The following CAPNS2 variants were observed in gnomAD, a reference collection of about 807,000 sequenced individuals.
CAPNS2 encodes calpain small subunit 2.
A neutral mutation model predicts 17.5 loss-of-function variants in CAPNS2; 13 were observed. The ratio of observed to expected loss-of-function variants is 0.74; its 90% CI spans 0.48 to 1.18. The LOEUF (loss-of-function observed/expected upper bound fraction) is 1.18, where lower values mean the gene tolerates loss of function less well. Ranked by LOEUF, CAPNS2 falls within the 50% of genes most tolerant of loss-of-function variation. The pLI, the probability that CAPNS2 is intolerant of heterozygous loss-of-function variation, is 0.00. For missense variants in CAPNS2, 279 were observed against 301.6 expected (o/e 0.93, Z 0.55); for synonymous variants, 101 against 108.2 (o/e 0.93, Z 0.41).
chr16:55,567,505 G>A lies in CAPNS2; in HGVS notation c.*2G>A. On this transcript the variant is annotated 3_prime_UTR_variant, in exon 1 of 1. Transcript: ENST00000457326. Reference sequence around the variant, plus strand: ...CTGCAGTTGACCATGTATTCCTGAAGTGGGAACTGAGAAGTCAAGATCCTC... The same window carrying A: ...CTGCAGTTGACCATGTATTCCTGAAATGGGAACTGAGAAGTCAAGATCCTC... The A allele has an allele frequency of 6.2e-7, 1 of 1,610,846 alleles. No homozygotes were observed. The highest frequency in any genetic ancestry group is 8.5e-7 in the Non-Finnish European group (1 of 1,178,032).
In CAPNS2 at chr16:55,566,879, T is replaced by TG. The variant is rs1483600898; in HGVS notation, c.125dup (p.Gly43ArgfsTer8). 6.2e-7 allele frequency: 1 copy of TG among 1,613,810 alleles called. No individual in the cohort carries two copies. Among genetic ancestry groups the TG allele is most frequent in the East Asian group, 2.2e-5 (1 of 44,856 alleles). Reference sequence around the variant, plus strand: ...GAGGAAGAAATATTGGAGGGATAGTTGGAGGAATTGTGAATTTTATCAGTG... The same window carrying TG: ...GAGGAAGAAATATTGGAGGGATAGTTGGGAGGAATTGTGAATTTTATCAGTG... On this transcript the variant is annotated frameshift_variant, in exon 1 of 1. Coordinates refer to ENST00000457326, the MANE Select transcript of CAPNS2 (RefSeq NM_032330.3). LOFTEE classifies it high-confidence loss of function.
rs1324657173 is a variant in CAPNS2, at chr16:55,567,468, A to G, written c.712A>G (p.Ile238Val). The G allele has an allele frequency of 4.3e-6, 7 of 1,613,734 alleles. 1 individual carries two copies. The East Asian group carries it at 6.7e-5, about 15-fold the overall frequency. ...RDRDGLIQVS[I>V]KEWLQLTMYS is the part of the protein sequence containing the mutation. ...TAGAGATGGCCTGATTCAAGTGTCT[A>G]TCAAAGAATGGCTGCAGTTGACCAT... The change falls in exon 1 of 1, where the codon ATC becomes GTC. Residue 238 changes from isoleucine (I) to valine (V), a missense_variant. Transcript: ENST00000457326.
rs779550180 is a variant in CAPNS2 at position 55,567,108 on chromosome 16, G to A, written c.352G>A (p.Gly118Ser). 5 of 1,613,794 alleles carry A rather than the reference G, an allele frequency of 3.1e-6. No individual in the cohort carries two copies. Among genetic ancestry groups the A allele is most frequent in the Non-Finnish European group, 4.2e-6 (5 of 1,179,858 alleles). The change falls in exon 1 of 1, where the codon GGT becomes AGT. Residue 118 changes from glycine to serine, a missense_variant. By Grantham distance (56) the Gly-to-Ser change is moderately conservative. Coordinates refer to ENST00000457326, the MANE Select transcript of CAPNS2 (RefSeq NM_032330.3). ...LSKHKDLKTD[G>S]FSLDTCRSIV... The stretch of plus-strand genomic sequence containing the variant: ...TAAGCACAAAGATCTTAAGACTGAC[G>A]GTTTTAGTCTTGACACCTGCCGGAG...
At position 55,567,060 on chromosome 16, in the gene CAPNS2, A is replaced by G; in HGVS notation, c.304A>G (p.Asn102Asp). The G allele has an allele frequency of 6.2e-7, 1 of 1,613,876 alleles. No individual in the cohort carries two copies. The highest frequency in any genetic ancestry group is 8.5e-7 in the Non-Finnish European group (1 of 1,179,880). Reference protein sequence around the residue: ...DMEVGATDLMNILNKVLSKHK... With the variant: ...DMEVGATDLMDILNKVLSKHK... The stretch of plus-strand genomic sequence containing the variant: ...GGAGGTGGGTGCCACTGATCTGATG[A>G]ATATTCTCAACAAAGTCCTTTCTAA... The change falls in exon 1 of 1, where the codon AAT becomes GAT. Residue 102 changes from asparagine (N) to aspartate (D), a missense_variant. Asn to Asp is a conservative substitution (Grantham distance 23). Transcript: ENST00000457326.
At position 55,567,396 on chromosome 16, in the gene CAPNS2, G is replaced by A. The variant is rs765130628; in HGVS notation, c.640G>A (p.Val214Ile). ...MDFNNFISCL[V>I]RLDAMFRAFK... ...TTTTAACAATTTCATCAGCTGCTTGGTCCGCCTGGATGCCATGTTTCGTGC... is the reference window on the plus strand; with the variant it reads ...TTTTAACAATTTCATCAGCTGCTTGATCCGCCTGGATGCCATGTTTCGTGC... Residue 214 changes from valine to isoleucine, a missense_variant, in exon 1 of 1, where the codon GTC becomes ATC. Physicochemically the swap from Val to Ile is conservative, Grantham distance 29. Transcript: ENST00000457326. The A allele has an allele frequency of 1.7e-5, 27 of 1,613,682 alleles. No individual in the cohort carries two copies. The South Asian group carries it at 2.9e-4, about 17-fold the overall frequency.
Position 55,566,934 on chromosome 16 carries a change from C to T in CAPNS2, c.178C>T (p.Pro60Ser), listed in dbSNP as rs563285482. ...TGCAGCAGCTCAGTATACTCCAGAACCGCCTCCCACTCAGCAGCATTTCAC... is the reference window on the plus strand; with the variant it reads ...TGCAGCAGCTCAGTATACTCCAGAATCGCCTCCCACTCAGCAGCATTTCAC... Reference protein sequence around the residue: ...EAAAAQYTPEPPPTQQHFTSV... With the variant: ...EAAAAQYTPESPPTQQHFTSV... Residue 60 changes from proline to serine, a missense_variant, in exon 1 of 1, where the codon CCG (proline) becomes TCG (serine). By Grantham distance (74) the Pro-to-Ser change is moderately conservative. Transcript: ENST00000457326. 9.1e-5 allele frequency: 147 copies of T among 1,613,804 alleles called. No individual in the cohort carries two copies. The highest frequency in any genetic ancestry group is 1.2e-4 in the Non-Finnish European group (139 of 1,179,860).
chr16:55,567,610 A>C lies in CAPNS2; in HGVS notation c.*107A>C. 1 of 1,141,362 alleles carries C rather than the reference A, an allele frequency of 8.8e-7. No individual in the cohort carries two copies. Among genetic ancestry groups the C allele is most frequent in the Non-Finnish European group, 1.3e-6 (1 of 794,244 alleles). 70.7% of individuals were successfully genotyped at this position (1,141,362 alleles called of 1,614,324 possible). On this transcript the variant is annotated 3_prime_UTR_variant, in exon 1 of 1. Coordinates refer to ENST00000457326, the MANE Select transcript of CAPNS2 (RefSeq NM_032330.3). Reference sequence around the variant, plus strand: ...GTGCAACAGCTCTCATTTCCTGGCAAGCTCTTTCACAACCCTACATATTTC... The same window carrying C: ...GTGCAACAGCTCTCATTTCCTGGCACGCTCTTTCACAACCCTACATATTTC...
rs541410526 is a variant in CAPNS2 at position 55,566,821 on chromosome 16, T to G, written c.65T>G (p.Leu22Arg). 3.7e-6 allele frequency: 6 copies of G among 1,613,736 alleles called. No individual in the cohort carries two copies. In the East Asian group the frequency reaches 1.1e-4, roughly 30 times the overall value. Residue 22 changes from leucine (L) to arginine (R), a missense_variant, in exon 1 of 1, where the codon CTC becomes CGC. Physicochemically the swap from Leu to Arg is moderately radical, Grantham distance 102. Coordinates refer to ENST00000457326, the MANE Select transcript of CAPNS2 (RefSeq NM_032330.3). ...GGTCTTGGAGAAGCTCTTGGAGGCC[T>G]CTTTGGAGGAGGTGGTCAGAGAAGA... ...DRGLGEALGGLFGGGGQRREG... is the reference protein window; with the variant it reads ...DRGLGEALGGRFGGGGQRREG...
In CAPNS2 at chr16:55,566,732, C is replaced by T. The variant is rs552622469; in HGVS notation, c.-25C>T. 34 of 1,580,724 alleles carry T rather than the reference C, an allele frequency of 2.2e-5. No homozygotes were observed. The highest frequency in any genetic ancestry group is 7.0e-5 in the South Asian group (6 of 86,050). Reference sequence around the variant, plus strand: ...TTCATACCATCTCTAAGATTGCTGCCGCATTTGCTTGTTAAACTGAAAGCA... The same window carrying T: ...TTCATACCATCTCTAAGATTGCTGCTGCATTTGCTTGTTAAACTGAAAGCA... On this transcript the variant is annotated 5_prime_UTR_variant, in exon 1 of 1. Transcript: ENST00000457326.
chr16:55,567,056 G>A lies in CAPNS2; in HGVS notation c.300G>A (p.Leu100=), dbSNP rs1963708458. 1 of 1,613,794 alleles carries A rather than the reference G, an allele frequency of 6.2e-7. No individual in the cohort carries two copies. The highest frequency in any genetic ancestry group is 2.2e-5 in the East Asian group (1 of 44,860). ...GPDMEVGATD[L]MNILNKVLSK... ...ACATGGAGGTGGGTGCCACTGATCT[G>A]ATGAATATTCTCAACAAAGTCCTTT... is the stretch of plus-strand genomic sequence containing the variant. The change falls in exon 1 of 1, where the codon CTG becomes CTA. Residue 100 remains leucine, a synonymous_variant. Coordinates refer to ENST00000457326, the MANE Select transcript of CAPNS2 (RefSeq NM_032330.3).
Position 55,566,713 on chromosome 16 carries a change from C to A in CAPNS2, c.-44C>A. The stretch of plus-strand genomic sequence containing the variant: ...GAACTCCATTTCATCTTTTTTCATA[C>A]CATCTCTAAGATTGCTGCCGCATTT... On this transcript the variant is annotated 5_prime_UTR_variant, in exon 1 of 1. Transcript: ENST00000457326. The A allele has an allele frequency of 1.3e-6, 2 of 1,550,402 alleles. No individual in the cohort carries two copies. Among genetic ancestry groups the A allele is most frequent in the Non-Finnish European group, 8.7e-7 (1 of 1,152,946 alleles).
Position 55,567,486 on chromosome 16 carries a change from T to C in CAPNS2, c.730T>C (p.Leu244=), listed in dbSNP as rs1205848332. 2 of 1,613,278 alleles carry C rather than the reference T, an allele frequency of 1.2e-6. No individual in the cohort carries two copies. The highest frequency in any genetic ancestry group is 1.7e-6 in the Non-Finnish European group (2 of 1,179,456). ...IQVSIKEWLQ[L]TMYS The stretch of plus-strand genomic sequence containing the variant: ...AGTGTCTATCAAAGAATGGCTGCAG[T>C]TGACCATGTATTCCTGAAGTGGGAA... Residue 244 remains leucine, a synonymous_variant, in exon 1 of 1, where the codon TTG becomes CTG. Transcript: ENST00000457326.
rs1006044092 is a variant in CAPNS2 at position 55,567,521 on chromosome 16, C to T, written c.*18C>T. The T allele has an allele frequency of 6.2e-7, 1 of 1,605,098 alleles. No individual in the cohort carries two copies. Among genetic ancestry groups the T allele is most frequent in the Non-Finnish European group, 8.5e-7 (1 of 1,174,886 alleles). ...ATTCCTGAAGTGGGAACTGAGAAGT[C>T]AAGATCCTCCCTGGAGGACAGGACT... On this transcript the variant is annotated 3_prime_UTR_variant, in exon 1 of 1. Transcript: ENST00000457326.
chr16:55,567,031 A>G lies in CAPNS2; in HGVS notation c.275A>G (p.Asp92Gly). The G allele has an allele frequency of 6.2e-7, 1 of 1,613,898 alleles. No homozygotes were observed. Among genetic ancestry groups the G allele is most frequent in the Non-Finnish European group, 8.5e-7 (1 of 1,179,882 alleles). The change falls in exon 1 of 1, where the codon GAC (aspartate) becomes GGC (glycine). Residue 92 changes from aspartate to glycine, a missense_variant. Transcript: ENST00000457326. ...RQQFTQLAGPDMEVGATDLMN... is the reference protein window; with the variant it reads ...RQQFTQLAGPGMEVGATDLMN... ...CAATTTACACAGCTGGCTGGACCAGACATGGAGGTGGGTGCCACTGATCTG... is the reference window on the plus strand; with the variant it reads ...CAATTTACACAGCTGGCTGGACCAGGCATGGAGGTGGGTGCCACTGATCTG...
At position 55,567,638 on chromosome 16, in the gene CAPNS2, A is replaced by G. The variant is rs1347278657; in HGVS notation, c.*135A>G. 9 of 862,538 alleles carry G rather than the reference A, an allele frequency of 1.0e-5. No homozygotes were observed. The highest frequency in any genetic ancestry group is 8.5e-5 in the African/African-American group (5 of 59,008). 53.4% of individuals were successfully genotyped at this position (862,538 alleles called of 1,614,324 possible). On this transcript the variant is annotated 3_prime_UTR_variant, in exon 1 of 1. Transcript: ENST00000457326. ...TCTTTCACAACCCTACATATTTCTG[A>G]TCATGTGCTGCCTTTTACTGCTGAA...
chr16:55,567,418 G>T lies in CAPNS2; in HGVS notation c.662G>T (p.Arg221Leu), dbSNP rs757438974. 7 of 1,613,652 alleles carry T rather than the reference G, an allele frequency of 4.3e-6. No individual in the cohort carries two copies. In the African/African-American group the frequency reaches 9.3e-5, roughly 22 times the overall value. Residue 221 changes from arginine (R) to leucine (L), a missense_variant, in exon 1 of 1, where the codon CGT becomes CTT. Coordinates refer to ENST00000457326, the MANE Select transcript of CAPNS2 (RefSeq NM_032330.3). ...SCLVRLDAMF[R>L]AFKSLDRDRD... Reference sequence around the variant, plus strand: ...TTGGTCCGCCTGGATGCCATGTTTCGTGCCTTCAAGTCTCTGGATAGAGAT... The same window carrying T: ...TTGGTCCGCCTGGATGCCATGTTTCTTGCCTTCAAGTCTCTGGATAGAGAT...
Position 55,566,925 on chromosome 16 carries a change from A to G in CAPNS2, c.169A>G (p.Thr57Ala), listed in dbSNP as rs758007513. The change falls in exon 1 of 1, where the codon ACT (threonine) becomes GCT (alanine). Residue 57 changes from threonine to alanine, a missense_variant. By Grantham distance (58) the Thr-to-Ala change is moderately conservative (BLOSUM62 0). Coordinates refer to ENST00000457326, the MANE Select transcript of CAPNS2 (RefSeq NM_032330.3). ...FISEAAAAQY[T>A]PEPPPTQQHF... ...CAGTGAGGCTGCAGCAGCTCAGTAT[A>G]CTCCAGAACCGCCTCCCACTCAGCA... 2 of 1,613,606 alleles carry G rather than the reference A, an allele frequency of 1.2e-6. No individual in the cohort carries two copies. Among genetic ancestry groups the G allele is most frequent in the African/African-American group, 2.7e-5 (2 of 74,876 alleles).
rs772214492 is a variant in CAPNS2, at chr16:55,567,181, A to G, written c.425A>G (p.Glu142Gly). The G allele has an allele frequency of 1.2e-6, 2 of 1,613,828 alleles. No individual in the cohort carries two copies. Among genetic ancestry groups the G allele is most frequent in the East Asian group, 4.5e-5 (2 of 44,870 alleles). The change falls in exon 1 of 1, where the codon GAA becomes GGA. Residue 142 changes from glutamate (E) to glycine (G), a missense_variant. Transcript: ENST00000457326. ...GACACGACTGGTAAGCTGGGCTTTG[A>G]AGAATTTAAGTATCTGTGGAACAAC... is the stretch of plus-strand genomic sequence containing the variant. ...DSDTTGKLGF[E>G]EFKYLWNNIK...
In CAPNS2 at chr16:55,567,476, A is replaced by G. The variant is rs1502003; in HGVS notation, c.720A>G (p.Glu240=). ...RDGLIQVSIK[E]WLQLTMYS ...GCCTGATTCAAGTGTCTATCAAAGA[A>G]TGGCTGCAGTTGACCATGTATTCCT... The change falls in exon 1 of 1, where the codon GAA becomes GAG. Residue 240 remains glutamate, a synonymous_variant. Transcript: ENST00000457326. The G allele has an allele frequency of 0.46, 742,425 of 1,612,908 alleles. 171,917 individuals are homozygous for G. The highest frequency in any genetic ancestry group is 0.47 in the South Asian group (42,985 of 91,040).
Sources: gnomAD v4.1 joint callset for allele counts on GRCh38, gnomAD v4.1.1 for gene constraint, MANE v1.5 for transcripts, NCBI Gene and HGNC (gene_info 2026-07-23, HGNC 2026-07-21) for gene names.